The following DIABLO variants were observed in gnomAD, a reference collection of about 807,000 sequenced individuals.
DIABLO encodes the protein diablo homolog, mitochondrial.
In DIABLO, 32 loss-of-function variants were observed where a neutral mutation model predicts 31.7. The ratio of observed to expected loss-of-function variants is 1.01; its 90% CI spans 0.76 to 1.35. DIABLO has a LOEUF of 1.35. DIABLO is among the 40% of genes most tolerant of loss of function. DIABLO has a pLI of 0.00. For missense variants in DIABLO, 316 were observed against 286.4 expected (o/e 1.10, Z -0.75); for synonymous variants, 132 against 103.2 (o/e 1.28, Z -1.69).
At chr12:122,226,404 C>T, upstream of DIABLO, 2 of 470,962 alleles carry the variant, frequency 4.2e-6, no homozygotes, top group Non-Finnish European at 7.9e-6. Context: ...GGGCGGGAGG[C>T]GGGGCCGGGC....
At chr12:122,214,686 C>T (rs566380942) in intron 5 of DIABLO, among the ~76,000 whole-genome samples, 12 of 152,028 alleles carry the variant, frequency 7.9e-5, no homozygotes, top group Non-Finnish European at 1.3e-4. Context: ...CAAAGACACG[C>T]GTTGAGTCCC....
At chr12:122,218,534 AT>A (rs1484451787) in intron 2 of DIABLO, 137 bp from the exon 3 acceptor site, 3 of 1,128,276 alleles carry the variant, frequency 2.7e-6, no homozygotes, top group Non-Finnish European at 3.9e-6. Context: ...TTTGGGTTAT[AT>A]TTTTTAAGGC....
rs1408148807 is a variant in DIABLO, at chr12:122,208,582, CA to C, written c.524-6del. Reference sequence around the variant, plus strand: ...TTATAGAGGCCTGATCTGCGCCTGCCAAAAGATGGGACAATCGGGTTGAGCA... The same window carrying C: ...TTATAGAGGCCTGATCTGCGCCTGCCAAAGATGGGACAATCGGGTTGAGCA... On this transcript the variant is annotated splice_region_variant and splice_polypyrimidine_tract_variant and intron_variant, in intron 5 of 5. Transcript: ENST00000464942. 2.5e-6 allele frequency: 4 copies of C among 1,611,674 alleles called. No individual in the cohort carries two copies. In the South Asian group the frequency reaches 4.4e-5, roughly 18 times the overall value.
At chr12:122,219,859 T>C (rs1954296388) in intron 2 of DIABLO, among the ~76,000 whole-genome samples, 1 of 148,136 alleles carries the variant, frequency 6.8e-6, no homozygotes, top group Admixed American at 6.7e-5. Context: ...AGCAAGACTC[T>C]TTCGCCAAAA....
intron 5 of DIABLO, among the ~76,000 whole-genome samples, chr12:122,210,192 G>A (rs1351591954): frequency 6.6e-6 from 1 of 152,016 alleles, no homozygotes; most frequent in East Asian, 1.9e-4. Flanking sequence ...TTTGGGATCG[G>A]GGCTATGCTG....
intron 3 of DIABLO, among the ~76,000 whole-genome samples, chr12:122,217,994 AGGTTCCT>A (rs962825090): frequency 2.0e-5 from 3 of 146,606 alleles, no homozygotes; most frequent in African/African-American, 7.6e-5. Context: ...AAAAAAAAAA[AGGTTCCT>A]GGGAAAAGTC....
intron 5 of DIABLO, among the ~76,000 whole-genome samples, chr12:122,212,378 G>C (rs911180338): frequency 6.6e-6 from 1 of 152,126 alleles, no homozygotes; most frequent in African/African-American, 2.4e-5. Context: ...AGTTCTTCCA[G>C]AAAGTGTATA....
chr12:122,211,827 A>T (rs959672719), intron 5 of DIABLO, among the ~76,000 whole-genome samples: 5 of 152,142 alleles, frequency 3.3e-5, no homozygotes, highest in Non-Finnish European at 5.9e-5. Context: ...CATTAAGTAC[A>T]TTTCATGATT....
chr12:122,214,086 A>C (rs540500586), intron 5 of DIABLO, among the ~76,000 whole-genome samples: 41 of 139,614 alleles, frequency 2.9e-4, no homozygotes, highest in East Asian at 1.7e-3. Context: ...CTGTCTCAAA[A>C]AAACAAACAA....
intron 5 of DIABLO, among the ~76,000 whole-genome samples, chr12:122,213,119 G>A (rs755524759): frequency 6.6e-6 from 1 of 152,018 alleles, no homozygotes; most frequent in Non-Finnish European, 1.5e-5. Flanking sequence ...TCATCGTGTT[G>A]TCAAGTCTGG....
chr12:122,226,096 A>C (rs763432516), upstream of DIABLO: 8 of 1,539,402 alleles, frequency 5.2e-6, no homozygotes, highest in Admixed American at 5.8e-5. Context: ...CCTCCACCTG[A>C]GAGCGCCTCG....
intron 5 of DIABLO, among the ~76,000 whole-genome samples, chr12:122,214,919 G>GACCTCAAGTGACCC (rs767809068): frequency 2.6e-5 from 4 of 152,086 alleles, no homozygotes; most frequent in Non-Finnish European, 5.9e-5. Flanking sequence ...TCAAACTCTT[G>GACCTCAAGTGACCC]ACCTCAAGTG....
At chr12:122,209,601 G>A in intron 5 of DIABLO, 1 of 591,822 alleles carries the variant, frequency 1.7e-6, no homozygotes. Flanking sequence ...GGAGGCGGAG[G>A]TTGCAGTGAG....
At chr12:122,211,995 ATTTTTT>A (rs34540420) in intron 5 of DIABLO, among the ~76,000 whole-genome samples, 3 of 139,746 alleles carry the variant, frequency 2.1e-5, no homozygotes, top group African/African-American at 7.9e-5. Flanking sequence ...TATTCCTATA[ATTTTTT>A]TTTTTTTTTT....
At chr12:122,218,802 C>T (rs544988426) in intron 2 of DIABLO, 5 of 278,486 alleles carry the variant, frequency 1.8e-5, no homozygotes, top group Non-Finnish European at 3.4e-5. Flanking sequence ...ATTAGCTGGG[C>T]CGTAGTGGTG....
At chr12:122,216,656 G>A in intron 4 of DIABLO, 72 bp from the exon 5 acceptor site, 1 of 1,552,910 alleles carries the variant, frequency 6.4e-7, no homozygotes, top group Non-Finnish European at 8.9e-7. Flanking sequence ...TAAAGTAGTA[G>A]ATTTAGAGAA....
chr12:122,216,472 C>T lies in DIABLO; in HGVS notation c.523+16G>A. ...AAAAAATTAAAAAAAAAACCCAACA[C>T]AAAACTTGAACCTACCAGTTTGATA... On this transcript the variant is annotated intron_variant, in intron 5 of 5. Transcript: ENST00000464942. The T allele has an allele frequency of 6.2e-7, 1 of 1,605,096 alleles. No individual in the cohort carries two copies. The highest frequency in any genetic ancestry group is 8.5e-7 in the Non-Finnish European group (1 of 1,173,664).
intron 5 of DIABLO, chr12:122,209,009 T>C (rs1393985630): frequency 3.0e-6 from 1 of 332,982 alleles, no homozygotes; most frequent in African/African-American, 2.2e-5. Flanking sequence ...TTTTTTACTA[T>C]AAATTTATGT....
At chr12:122,226,188 T>G (rs1033327390), upstream of DIABLO, 3 of 1,043,066 alleles carry the variant, frequency 2.9e-6, no homozygotes, top group African/African-American at 4.7e-5. Flanking sequence ...GGGCAAAGGC[T>G]GTAACGGCCG....
Sources: allele counts gnomAD v4.1 joint callset (sites outside exome capture counted in the v4.1 genomes callset), GRCh38; gene constraint gnomAD v4.1.1; transcripts MANE v1.5; gene names NCBI Gene and HGNC (gene_info 2026-07-23, HGNC 2026-07-21).